Variants in PCDH15 observed in about 807,000 individuals in gnomAD.
The protein encoded by PCDH15 is protocadherin related 15.
In PCDH15, 129 loss-of-function variants were observed where a neutral mutation model predicts 178.5. The ratio of observed to expected loss-of-function variants is 0.72; its 90% confidence interval spans 0.63 to 0.84. PCDH15 has a LOEUF of 0.84. Ranked by LOEUF, PCDH15 falls within the 40% of genes least tolerant of loss-of-function variation. The pLI is 0.00. For synonymous variants in PCDH15, 800 were observed against 732.0 expected, an observed-to-expected ratio of 1.09 and a Z score of -1.50; for missense variants, 2,230 against 2,099.9, an observed-to-expected ratio of 1.06 and a Z score of -1.21.
intron 26 of PCDH15, among the ~76,000 whole-genome samples, chr10:53,900,945 G>A (rs539981555): frequency 2.3e-4 from 35 of 152,204 alleles, no homozygotes; most frequent in Non-Finnish European, 3.1e-4. Context: ...TATAGGATTA[G>A]TAACATAAGT....
At chr10:54,234,132 CTGTGTGTGTG>C (rs35466519) in intron 9 of PCDH15, among the ~76,000 whole-genome samples, 68 of 138,548 alleles carry the variant, frequency 4.9e-4, no homozygotes, top group African/African-American at 1.3e-3. Context: ...ATATCCCCTT[CTGTGTGTGTG>C]TGTGTGTGTG....
intron 2 of PCDH15, among the ~76,000 whole-genome samples, chr10:55,401,319 C>T (rs1431786759): frequency 2.6e-5 from 4 of 151,154 alleles, no homozygotes; most frequent in African/African-American, 4.9e-5. Flanking sequence ...CCTGGTAAAC[C>T]TATATTTACT....
In PCDH15 at chr10:55,067,446, T is replaced by G. The variant is rs891939008; in HGVS notation, c.-80+99130A>C. On this transcript the variant is annotated intron_variant, in intron 2 of 5. Transcript: ENST00000458638. ...AACAACAGAATAGTATTCCATTATG[T>G]ATATATACCACATTTTCTTTATTCA... Among the ~76,000 whole-genome samples the G allele has an allele frequency of 2.0e-5, 3 of 152,210 alleles. No individual in the cohort carries two copies. The East Asian group carries it at 5.8e-4, about 29-fold the overall frequency.
intron 2 of PCDH15, among the ~76,000 whole-genome samples, chr10:55,026,093 C>A (rs1840468884): frequency 6.6e-6 from 1 of 151,856 alleles, no homozygotes; most frequent in African/African-American, 2.4e-5. Flanking sequence ...CAATTTCAGG[C>A]TAACAAGGTT....
At chr10:54,725,284 GAA>G (rs1253458263) in intron 1 of PCDH15, among the ~76,000 whole-genome samples, 1 of 150,556 alleles carries the variant, frequency 6.6e-6, no homozygotes, top group Non-Finnish European at 1.5e-5. Flanking sequence ...TAAAATCATT[GAA>G]GAAAATGTCC....
rs541960980 is a variant in PCDH15 at position 55,390,701 on chromosome 10, T to G, written c.-155-224050A>C. Among the ~76,000 whole-genome samples, 5 of 152,342 alleles carry G rather than the reference T, an allele frequency of 3.3e-5. No homozygotes were observed. The East Asian group carries it at 7.7e-4, about 24-fold the overall frequency. ...AAAGTAAAAATTACTCCTTAATTTATGGGCTAAAGAATGGATGCTGTGTGA... is the reference window on the plus strand; with the variant it reads ...AAAGTAAAAATTACTCCTTAATTTAGGGGCTAAAGAATGGATGCTGTGTGA... On this transcript the variant is annotated intron_variant, in intron 2 of 5. Transcript: ENST00000613346.
chr10:54,045,999 A>T (rs1353402954), intron 18 of PCDH15, among the ~76,000 whole-genome samples: 1 of 152,146 alleles, frequency 6.6e-6, no homozygotes, highest in African/African-American at 2.4e-5. Context: ...ACATTCAAGA[A>T]GAAAACACAT....
chr10:54,332,656 A>G (rs4617494), intron 6 of PCDH15, among the ~76,000 whole-genome samples: 16,940 of 151,424 alleles, frequency 0.11, 1,027 homozygotes, highest in Middle Eastern at 0.2. Context: ...CTTATTTGGG[A>G]TCTTCTGTTT....
chr10:55,251,643 G>A (rs902162868), intron 1 of PCDH15, among the ~76,000 whole-genome samples: 4 of 152,062 alleles, frequency 2.6e-5, no homozygotes, highest in Non-Finnish European at 4.4e-5. Context: ...ATGAATGTTC[G>A]TGTACAGGTT....
chr10:54,794,137 ATCT>A (rs960718133), intron 1 of PCDH15, among the ~76,000 whole-genome samples: 4 of 147,468 alleles, frequency 2.7e-5, no homozygotes, highest in Non-Finnish European at 6.0e-5. Context: ...ATATATATAT[ATCT>A]TATATATATC....
chr10:54,353,090 T>C (rs1476720680), intron 5 of PCDH15, among the ~76,000 whole-genome samples: 1 of 152,134 alleles, frequency 6.6e-6, no homozygotes, highest in Non-Finnish European at 1.5e-5. Flanking sequence ...GAAATTACAA[T>C]GTCTCTGAAT....
At chr10:54,877,936 CTCTTTTTTT>C (rs1954177665) in intron 3 of PCDH15, among the ~76,000 whole-genome samples, 1 of 104,352 alleles carries the variant, frequency 9.6e-6, no homozygotes, top group Non-Finnish European at 2.0e-5. Context: ...CTCTCTCTCT[CTCTTTTTTT>C]TTTTTTTTTT....
chr10:54,216,930 T>C (rs764028618), intron 9 of PCDH15, among the ~76,000 whole-genome samples: 5 of 152,154 alleles, frequency 3.3e-5, no homozygotes, highest in Non-Finnish European at 5.9e-5. Context: ...TATCTTTAGC[T>C]ATTACTATGG....
At chr10:54,191,817 A>G (rs1591067334) in intron 11 of PCDH15, among the ~76,000 whole-genome samples, 1 of 151,088 alleles carries the variant, frequency 6.6e-6, no homozygotes. Flanking sequence ...GCTACTTAGG[A>G]GGCTGTTGTG....
chr10:53,944,391 G>A (rs1453878017), intron 23 of PCDH15, among the ~76,000 whole-genome samples: 3 of 152,004 alleles, frequency 2.0e-5, no homozygotes, highest in African/African-American at 7.2e-5. Context: ...TCTTTCTGTT[G>A]AGTATAATCA....
At chr10:54,106,099 G>A (rs2094913205) in intron 15 of PCDH15, among the ~76,000 whole-genome samples, 1 of 152,156 alleles carries the variant, frequency 6.6e-6, no homozygotes, top group African/African-American at 2.4e-5. Context: ...GACACAGAAA[G>A]CAGACTGGTA....
chr10:55,466,884 A>T (rs1410719812), intron 2 of PCDH15, among the ~76,000 whole-genome samples: 1 of 152,178 alleles, frequency 6.6e-6, no homozygotes, highest in Admixed American at 6.5e-5. Flanking sequence ...ACACCTATTT[A>T]TATCTGCCAA....
intron 32 of PCDH15, among the ~76,000 whole-genome samples, chr10:53,824,298 T>C (rs1264719332): frequency 6.6e-6 from 1 of 152,164 alleles, no homozygotes; most frequent in East Asian, 1.9e-4. Flanking sequence ...CTCCCAGGAT[T>C]GTTGGCTGAT....
intron 2 of PCDH15, among the ~76,000 whole-genome samples, chr10:54,599,141 A>G (rs1183034407): frequency 1.3e-5 from 2 of 152,242 alleles, no homozygotes; most frequent in African/African-American, 4.8e-5. Flanking sequence ...TCACAGAACT[A>G]GAAAAAAAAT....
Sources: gnomAD v4.1 joint callset for allele counts (sites outside exome capture counted in the v4.1 genomes callset) on GRCh38, gnomAD v4.1.1 for gene constraint, MANE v1.5 for transcripts, NCBI Gene and HGNC (gene_info 2026-07-23, HGNC 2026-07-21) for gene names.